Variants in CDH3 observed in about 807,000 individuals in gnomAD.
CDH3 encodes the protein cadherin 3, also known as cadherin-3.
A neutral mutation model predicts 82.0 loss-of-function variants in CDH3; 54 were observed. That is an observed-to-expected ratio of 0.66 (90% CI 0.53 to 0.83). The LOEUF (loss-of-function observed/expected upper bound fraction) is 0.83. Among genes scored for constraint, CDH3 ranks in the 40% least tolerant of loss-of-function variants. CDH3 has a pLI of 0.00. For synonymous variants in CDH3, 446 were observed against 437.9 expected (o/e 1.02, Z -0.23); for missense variants, 1,054 against 1,084.6 (o/e 0.97, Z 0.40).
At chr16:68,687,800 C>A in intron 12 of CDH3, 64 bp downstream of exon 12, 1 of 1,165,732 alleles carries the variant, frequency 8.6e-7, no homozygotes, top group Non-Finnish European at 1.3e-6. Flanking sequence ...CTGCCCCACA[C>A]CAGGATTCTG....
intron 8 of CDH3, among the ~76,000 whole-genome samples, chr16:68,681,495 C>G (rs181744845): frequency 3.3e-5 from 5 of 152,350 alleles, no homozygotes; most frequent in African/African-American, 9.6e-5. Context: ...TACATCCTCC[C>G]CCTTCCATCT....
downstream of CDH3, among the ~76,000 whole-genome samples, chr16:68,728,566 G>A (rs891972390): frequency 1.3e-5 from 2 of 152,202 alleles, no homozygotes; most frequent in Non-Finnish European, 2.9e-5. Context: ...AAAGTGATGG[G>A]ATGACAGGCT....
intron 2 of CDH3, among the ~76,000 whole-genome samples, chr16:68,669,476 G>A (rs1276471220): frequency 6.6e-6 from 1 of 152,058 alleles, no homozygotes; most frequent in Admixed American, 6.6e-5. Context: ...GCACAGCCCA[G>A]ATACTGTGCT....
At chr16:68,685,796 G>C (rs1961395273) in intron 11 of CDH3, among the ~76,000 whole-genome samples, 1 of 152,166 alleles carries the variant, frequency 6.6e-6, no homozygotes. Flanking sequence ...GACAGAGCGA[G>C]ACTATCTCAA....
chr16:68,706,479 C>A (rs1223917710), intron 1 of CDH3, among the ~76,000 whole-genome samples: 1 of 150,860 alleles, frequency 6.6e-6, no homozygotes, highest in Admixed American at 6.6e-5. Flanking sequence ...GCTGTGCTGG[C>A]TGCCTGGGGA....
downstream of CDH3, among the ~76,000 whole-genome samples, chr16:68,701,121 G>A (rs1435422714): frequency 6.6e-6 from 1 of 152,074 alleles, no homozygotes. Context: ...AAACCAAGCA[G>A]CCCCTGTTTA....
At chr16:68,656,276 G>A (rs1960407952) in intron 2 of CDH3, among the ~76,000 whole-genome samples, 1 of 152,136 alleles carries the variant, frequency 6.6e-6, no homozygotes, top group Non-Finnish European at 1.5e-5. Context: ...AGTCTTCCCT[G>A]GAACCAGGAT....
intron 2 of CDH3, among the ~76,000 whole-genome samples, chr16:68,672,618 C>T (rs1476001859): frequency 6.6e-6 from 1 of 152,166 alleles, no homozygotes; most frequent in East Asian, 1.9e-4. Context: ...GAATCAGGCC[C>T]AGATCTCCTT....
chr16:68,714,164 C>T (rs542572816), intron 1 of CDH3, among the ~76,000 whole-genome samples: 3 of 152,062 alleles, frequency 2.0e-5, no homozygotes, highest in Non-Finnish European at 2.9e-5. Flanking sequence ...GAACTCCTGA[C>T]GTCAGGTGAT....
chr16:68,672,475 G>T (rs897807933), intron 2 of CDH3, among the ~76,000 whole-genome samples: 1 of 152,032 alleles, frequency 6.6e-6, no homozygotes, highest in Non-Finnish European at 1.5e-5. Flanking sequence ...CCACATTATC[G>T]TTCCTGGTCC....
At chr16:68,662,426 G>A (rs565147008) in intron 2 of CDH3, among the ~76,000 whole-genome samples, 1 of 152,068 alleles carries the variant, frequency 6.6e-6, no homozygotes, top group Non-Finnish European at 1.5e-5. Context: ...TTTGTAAACA[G>A]TCACTGCTCT....
At chr16:68,730,429 G>C (rs1962271558), downstream of CDH3, among the ~76,000 whole-genome samples, 1 of 152,138 alleles carries the variant, frequency 6.6e-6, no homozygotes, top group Non-Finnish European at 1.5e-5. Flanking sequence ...AGGAGGCTGA[G>C]GCAGGAGAAT....
chr16:68,731,563 G>C (rs188967383), downstream of CDH3, among the ~76,000 whole-genome samples: 1 of 148,452 alleles, frequency 6.7e-6, no homozygotes, highest in African/African-American at 2.5e-5. Context: ...CAATTTGGGC[G>C]TGATGGCTCA....
At chr16:68,657,987 G>C (rs757472601) in intron 2 of CDH3, among the ~76,000 whole-genome samples, 9 of 151,800 alleles carry the variant, frequency 5.9e-5, no homozygotes, top group Non-Finnish European at 1.0e-4. Context: ...GAGTGCATGC[G>C]CATCTTTCTA....
rs1480021596 is a variant in CDH3, at chr16:68,670,150, GA to G, written c.161-6233del. 5.8e-4 allele frequency among the ~76,000 whole-genome samples: 84 copies of G among 145,552 alleles called. 1 individual carries two copies. Among genetic ancestry groups the G allele is most frequent in the Non-Finnish European group, 2.7e-4 (18 of 67,296 alleles). ...GAGGCAGGAGAATGACGTGAACCTA[GA>G]AGGCGGAGCTTGCAGTGAGCCGAGA... On this transcript the variant is annotated intron_variant, in intron 2 of 15. Coordinates refer to ENST00000264012, the MANE Select transcript of CDH3 (RefSeq NM_001793.6).
At chr16:68,689,332 G>C (rs1961499167) in intron 12 of CDH3, among the ~76,000 whole-genome samples, 1 of 152,096 alleles carries the variant, frequency 6.6e-6, no homozygotes, top group African/African-American at 2.4e-5. Flanking sequence ...AAGAGGTCAA[G>C]ACTGTCCTGG....
At chr16:68,718,185 T>C (rs543774047) in intron 1 of CDH3, among the ~76,000 whole-genome samples, 1 of 152,054 alleles carries the variant, frequency 6.6e-6, no homozygotes, top group East Asian at 1.9e-4. Context: ...TTGTATTTTT[T>C]CTAGAGATAG....
intron 10 of CDH3, 37 bp from the exon 11 acceptor site, chr16:68,685,168 T>A (rs1029108164): frequency 4.3e-5 from 69 of 1,610,726 alleles, no homozygotes; most frequent in Non-Finnish European, 5.7e-5. Flanking sequence ...GAATTCTAAA[T>A]ATTCTGGATG....
At chr16:68,679,273 A>G (rs1226891367) in intron 6 of CDH3, among the ~76,000 whole-genome samples, 1 of 152,210 alleles carries the variant, frequency 6.6e-6, no homozygotes, top group African/African-American at 2.4e-5. Context: ...GAATAATATC[A>G]ACTTTGAAGA....
Sources: gnomAD v4.1 joint callset for allele counts (sites outside exome capture counted in the v4.1 genomes callset) on GRCh38, gnomAD v4.1.1 for gene constraint, MANE v1.5 for transcripts, NCBI Gene and HGNC (gene_info 2026-07-23, HGNC 2026-07-21) for gene names.